The following ARHGAP29 variants were observed in gnomAD, a reference collection of about 807,000 sequenced individuals.
ARHGAP29 encodes the protein Rho GTPase activating protein 29, also known as rho GTPase-activating protein 29.
In ARHGAP29, 43 loss-of-function variants were observed where a neutral mutation model predicts 122.6. The ratio of observed to expected loss-of-function variants is 0.35; its 90% CI spans 0.27 to 0.45. ARHGAP29 has a LOEUF of 0.45. ARHGAP29 is among the 20% of genes least tolerant of loss of function. The probability of loss-of-function intolerance (pLI) is 1.00; values close to 1 mark genes in which losing one functional copy is unlikely to be tolerated. For synonymous variants in ARHGAP29, 506 were observed against 497.1 expected, an observed-to-expected ratio of 1.02 and a Z score of -0.24; for missense variants, 1,303 against 1,477.2, an observed-to-expected ratio of 0.88 and a Z score of 1.93.
Position 94,220,393 on chromosome 1 carries a change from C to A in ARHGAP29, c.206-1G>T. The A allele has an allele frequency of 6.4e-7, 1 of 1,574,772 alleles. No homozygotes were observed. The highest frequency in any genetic ancestry group is 1.2e-5 in the South Asian group (1 of 84,672). On this transcript the variant is annotated splice_acceptor_variant, in intron 2 of 22. Coordinates refer to ENST00000260526, the MANE Select transcript of ARHGAP29 (RefSeq NM_004815.4). LOFTEE classifies it high-confidence loss of function. ...ATATGAATAACTTCTTTAAAACAGT[C>A]TTTAAAAAGAAAAAAAAATAATTTA...
In ARHGAP29 at chr1:94,169,445, G is replaced by A. The variant is rs371289355; in HGVS notation, c.*4424C>T. Among the ~76,000 whole-genome samples, 3 of 152,244 alleles carry A rather than the reference G, an allele frequency of 2.0e-5. No homozygotes were observed. In the East Asian group the frequency reaches 5.8e-4, roughly 29 times the overall value. Reference sequence around the variant, plus strand: ...GTCAAGAGGTTGAGGGAGGGAGGAAGAATGAACAAATTATTTAGGATTATG... The same window carrying A: ...GTCAAGAGGTTGAGGGAGGGAGGAAAAATGAACAAATTATTTAGGATTATG... On this transcript the variant is annotated 3_prime_UTR_variant, in exon 23 of 23. Transcript: ENST00000260526.
intron 1 of ARHGAP29, among the ~76,000 whole-genome samples, chr1:94,256,589 G>C (rs982705804): frequency 3.2e-5 from 3 of 94,594 alleles, no homozygotes; most frequent in African/African-American, 4.5e-5. Context: ...ACAGAGTCTC[G>C]CTCTGTCTCC....
chr1:94,173,661 A>G lies in ARHGAP29; in HGVS notation c.*208T>C, dbSNP rs1021796299. The G allele has an allele frequency of 1.9e-5, 10 of 526,468 alleles. No homozygotes were observed. The highest frequency in any genetic ancestry group is 3.1e-5 in the East Asian group (1 of 32,210). The allele number at this position is 526,468 out of a possible 1,614,324, so 32.6% of individuals were successfully genotyped here. A position where few individuals can be genotyped will look rare whatever the true frequency, so the allele number is the denominator to read the frequency against. On this transcript the variant is annotated 3_prime_UTR_variant, in exon 23 of 23. Transcript: ENST00000260526. ...AACTTTAAAAATACAGAATTTAAAG[A>G]TAATTCCAGTGAGGCACAAATGTGA...
upstream of ARHGAP29, chr1:94,237,602 T>G: frequency 2.0e-6 from 2 of 987,834 alleles, no homozygotes; most frequent in Non-Finnish European, 2.4e-6. Context: ...CCACCGCCCC[T>G]GCAGCTACCG....
chr1:94,264,124 A>G (rs963661987), intron 1 of ARHGAP29, among the ~76,000 whole-genome samples: 1 of 152,182 alleles, frequency 6.6e-6, no homozygotes, highest in African/African-American at 2.4e-5. Context: ...AGAAAGAACA[A>G]ACTTATTCAC....
chr1:94,209,541 T>C (rs751370479), intron 3 of ARHGAP29, among the ~76,000 whole-genome samples, 191 bp from the exon 4 acceptor site: 3 of 152,186 alleles, frequency 2.0e-5, no homozygotes, highest in Non-Finnish European at 4.4e-5. Flanking sequence ...AAGAATCAGC[T>C]TGCATAAAAG....
At chr1:94,218,437 G>A (rs758742812) in intron 3 of ARHGAP29, among the ~76,000 whole-genome samples, 39 of 152,304 alleles carry the variant, frequency 2.6e-4, no homozygotes, top group African/African-American at 9.4e-4. Flanking sequence ...GTATCTGAGA[G>A]AGCACTCTCT....
intron 1 of ARHGAP29, among the ~76,000 whole-genome samples, chr1:94,252,372 A>G (rs1654130754): frequency 6.6e-6 from 1 of 152,210 alleles, no homozygotes; most frequent in Non-Finnish European, 1.5e-5. Flanking sequence ...ATTTTTTCAT[A>G]GAAGTAAAAG....
chr1:94,213,467 C>T (rs1651780499), intron 3 of ARHGAP29, among the ~76,000 whole-genome samples: 1 of 152,190 alleles, frequency 6.6e-6, no homozygotes, highest in South Asian at 2.1e-4. Flanking sequence ...CAGGCGTGAG[C>T]CACCGCACCC....
upstream of ARHGAP29, among the ~76,000 whole-genome samples, chr1:94,241,319 A>G (rs914052704): frequency 2.0e-5 from 3 of 152,238 alleles, no homozygotes; most frequent in Admixed American, 6.5e-5. Context: ...TATCCTTAAA[A>G]GATATATCAA....
chr1:94,208,792 A>G, intron 5 of ARHGAP29, 40 bp downstream of exon 5: 1 of 1,591,360 alleles, frequency 6.3e-7, no homozygotes, highest in South Asian at 1.1e-5. Flanking sequence ...CATGAAGTTA[A>G]AAACATTAAA....
chr1:94,257,745 T>G (rs955026551), intron 1 of ARHGAP29, among the ~76,000 whole-genome samples: 3 of 152,080 alleles, frequency 2.0e-5, no homozygotes, highest in Admixed American at 6.5e-5. Flanking sequence ...AAGCTTCCAA[T>G]GTATCTATGA....
At chr1:94,242,329 AC>A (rs1653622830), upstream of ARHGAP29, among the ~76,000 whole-genome samples, 1 of 152,082 alleles carries the variant, frequency 6.6e-6, no homozygotes, top group Non-Finnish European at 1.5e-5. Context: ...CTCTAGCCAC[AC>A]CCCAACAAAG....
At chr1:94,213,600 C>A (rs1179326264) in intron 3 of ARHGAP29, among the ~76,000 whole-genome samples, 5 of 152,208 alleles carry the variant, frequency 3.3e-5, no homozygotes, top group Non-Finnish European at 7.3e-5. Context: ...TTCCAATAAA[C>A]CTTTATTTAC....
intron 3 of ARHGAP29, among the ~76,000 whole-genome samples, chr1:94,215,891 A>C (rs1347260390): frequency 2.0e-5 from 3 of 152,168 alleles, no homozygotes; most frequent in African/African-American, 7.2e-5. Flanking sequence ...AAAGAAAAGC[A>C]GATAAAAGGT....
chr1:94,199,801 C>T (rs929975693), intron 12 of ARHGAP29, among the ~76,000 whole-genome samples: 1 of 152,156 alleles, frequency 6.6e-6, no homozygotes, highest in African/African-American at 2.4e-5. Context: ...CTGGTAATTC[C>T]CTTGTGGCCC....
At chr1:94,185,978 A>G (rs1649778241) in intron 16 of ARHGAP29, among the ~76,000 whole-genome samples, 1 of 152,192 alleles carries the variant, frequency 6.6e-6, no homozygotes, top group Admixed American at 6.5e-5. Flanking sequence ...TATTCCATTA[A>G]TTTAGGAAAT....
chr1:94,219,338 T>C (rs1030839441), intron 3 of ARHGAP29, among the ~76,000 whole-genome samples: 2 of 152,178 alleles, frequency 1.3e-5, no homozygotes, highest in African/African-American at 4.8e-5. Context: ...TCTCTGTCCC[T>C]GGGATCTCAC....
At chr1:94,275,664 C>T (rs1475727553), upstream of ARHGAP29, among the ~76,000 whole-genome samples, 1 of 151,932 alleles carries the variant, frequency 6.6e-6, no homozygotes, top group Non-Finnish European at 1.5e-5. Flanking sequence ...AACTAGTGTC[C>T]AGTAGGGTTA....
Sources: allele counts gnomAD v4.1 joint callset (sites outside exome capture counted in the v4.1 genomes callset), GRCh38; gene constraint gnomAD v4.1.1; transcripts MANE v1.5; gene names NCBI Gene and HGNC (gene_info 2026-07-23, HGNC 2026-07-21).